Variants in STPG1 observed in about 807,000 individuals in gnomAD.
STPG1 encodes the protein O(6)-methylguanine-induced apoptosis 2.
In STPG1, 33 loss-of-function variants were observed where a neutral mutation model predicts 40.1. That is an observed-to-expected ratio of 0.82 (90% confidence interval 0.62 to 1.10). The LOEUF (loss-of-function observed/expected upper bound fraction) is 1.10. STPG1 is among the 50% of genes least tolerant of loss of function. STPG1 has a pLI of 0.00. For synonymous variants in STPG1, 150 were observed against 155.0 expected, an observed-to-expected ratio of 0.97 and a Z score of 0.24; for missense variants, 396 against 415.1, an observed-to-expected ratio of 0.95 and a Z score of 0.40.
chr1:24,395,502 G>A (rs1465460573), intron 2 of STPG1, among the ~76,000 whole-genome samples: 4 of 146,524 alleles, frequency 2.7e-5, no homozygotes, highest in East Asian at 2.0e-4. Context: ...GCGCTATCTC[G>A]GCTCACTGCA....
chr1:24,360,323 C>A (rs893595109), intron 8 of STPG1, among the ~76,000 whole-genome samples: 1 of 152,136 alleles, frequency 6.6e-6, no homozygotes, highest in African/African-American at 2.4e-5. Flanking sequence ...GTGGCATGTA[C>A]CTGTAATTCC....
chr1:24,388,685 A>G (rs1642620451), intron 3 of STPG1, among the ~76,000 whole-genome samples: 1 of 152,250 alleles, frequency 6.6e-6, no homozygotes, highest in East Asian at 1.9e-4. Flanking sequence ...TAATGCTTTA[A>G]GAAGGGTGGT....
chr1:24,378,258 T>C (rs1232710943), intron 5 of STPG1, among the ~76,000 whole-genome samples: 1 of 152,228 alleles, frequency 6.6e-6, no homozygotes, highest in African/African-American at 2.4e-5. Context: ...GTTGAAATGA[T>C]AATATTTTGG....
rs756002576 is a variant in STPG1 at position 24,383,936 on chromosome 1, A to G, written c.257T>C (p.Leu86Ser). The change falls in exon 4 of 9, where the codon TTG (leucine) becomes TCG (serine). Residue 86 changes from leucine (L) to serine (S), a missense_variant. Transcript: ENST00000337248. ...AAACATGCAAGTTCCTTTCTTGGAC[A>G]ATGAGACACTGTTGGACACCGGTGA... ...HQSPVSNSVS[L>S]SKKGTCMFPS... The G allele has an allele frequency of 6.2e-7, 1 of 1,614,002 alleles. No individual in the cohort carries two copies. The highest frequency in any genetic ancestry group is 2.2e-5 in the East Asian group (1 of 44,880).
chr1:24,389,875 T>C (rs893878865), intron 3 of STPG1, among the ~76,000 whole-genome samples: 1 of 152,108 alleles, frequency 6.6e-6, no homozygotes, highest in Non-Finnish European at 1.5e-5. Flanking sequence ...TTTAAAACTG[T>C]GTGTGTGTGT....
At position 24,401,380 on chromosome 1, in the gene STPG1, G is replaced by A; in HGVS notation, c.9C>T (p.Asn3=). MD[N]SAQKNERTGK... is the part of the protein sequence containing the mutation. ...CAGTGCGTTCATTTTTCTGTGCAGA[G>A]TTGTCCATGTTAGCAAAATTCTGTG... Residue 3 remains asparagine (N), a synonymous_variant, in exon 2 of 9, where the codon AAC becomes AAT. Transcript: ENST00000337248. 6.2e-7 allele frequency: 1 copy of A among 1,613,960 alleles called. No individual in the cohort carries two copies. Among genetic ancestry groups the A allele is most frequent in the Non-Finnish European group, 8.5e-7 (1 of 1,179,936 alleles).
At chr1:24,412,067 CT>C (rs1643703303) in intron 1 of STPG1, 1 of 152,182 alleles carries the variant, frequency 6.6e-6, no homozygotes, top group Non-Finnish European at 1.5e-5. Flanking sequence ...AGTCTGTAGT[CT>C]TTTGTGAAGT....
chr1:24,361,049 A>G lies in STPG1; in HGVS notation c.738-8T>C. On this transcript the variant is annotated splice_polypyrimidine_tract_variant and splice_region_variant and intron_variant, in intron 7 of 8. Coordinates refer to ENST00000337248, the MANE Select transcript of STPG1 (RefSeq NM_001199013.2). ...TTCAGGATGGGGTTTTTCCTTTGGG[A>G]AAGATAAAACGGGAAGATGTCACTA... is the stretch of plus-strand genomic sequence containing the variant. The G allele has an allele frequency of 6.2e-7, 1 of 1,600,472 alleles. No homozygotes were observed. The highest frequency in any genetic ancestry group is 8.5e-7 in the Non-Finnish European group (1 of 1,172,732).
intron 2 of STPG1, among the ~76,000 whole-genome samples, chr1:24,397,534 A>C (rs1323794187): frequency 6.6e-6 from 1 of 151,922 alleles, no homozygotes; most frequent in Non-Finnish European, 1.5e-5. Context: ...CCTTAGAAAA[A>C]TTTTAGCGAA....
intron 4 of STPG1, among the ~76,000 whole-genome samples, chr1:24,382,963 G>T (rs952247797): frequency 6.8e-6 from 1 of 146,424 alleles, no homozygotes; most frequent in Non-Finnish European, 1.5e-5. Context: ...CCAGGCTGGA[G>T]TGTGATGGTG....
intron 5 of STPG1, among the ~76,000 whole-genome samples, chr1:24,374,249 TTTTTTTTG>T (rs1641904446): frequency 2.2e-5 from 2 of 89,098 alleles, no homozygotes; most frequent in South Asian, 3.5e-4. Flanking sequence ...AAAGTGTTTT[TTTTTTTTG>T]TTTTTTTTTT....
chr1:24,397,180 A>G (rs1027324229), intron 2 of STPG1, among the ~76,000 whole-genome samples: 1 of 152,224 alleles, frequency 6.6e-6, no homozygotes, highest in African/African-American at 2.4e-5. Context: ...GATTGAAAAT[A>G]TAAGAAGCAG....
chr1:24,380,878 G>A (rs1384560401), intron 4 of STPG1, among the ~76,000 whole-genome samples: 2 of 152,138 alleles, frequency 1.3e-5, no homozygotes, highest in African/African-American at 4.8e-5. Flanking sequence ...TGCCAAACTC[G>A]AATTCTAATA....
chr1:24,401,204 G>C, intron 2 of STPG1, 115 bp downstream of exon 2: 2 of 819,232 alleles, frequency 2.4e-6, no homozygotes, highest in Non-Finnish European at 4.0e-6. Context: ...TGGTATGCCT[G>C]TAAGGATGGC....
Position 24,373,771 on chromosome 1 carries a change from T to C in STPG1, c.502A>G (p.Thr168Ala), listed in dbSNP as rs200427523. The part of the protein sequence containing the change: ...SCCKQRNNVC[T>A]RAGFMSKTQR... ...GTTTTTGACATAAACCCGGCTCGAG[T>C]ACAGACGTTGTTTCTCTGCTTGCAG... Residue 168 changes from threonine to alanine, a missense_variant, in exon 6 of 9, where the codon ACT (threonine) becomes GCT (alanine). Thr to Ala is a moderately conservative substitution (Grantham distance 58). Coordinates refer to ENST00000337248, the MANE Select transcript of STPG1 (RefSeq NM_001199013.2). 6.2e-6 allele frequency: 10 copies of C among 1,611,758 alleles called. No individual in the cohort carries two copies. In the African/African-American group the frequency reaches 1.2e-4, roughly 19 times the overall value.
At chr1:24,412,383 C>T (rs1037656484) in intron 1 of STPG1, among the ~76,000 whole-genome samples, 21 of 152,216 alleles carry the variant, frequency 1.4e-4, no homozygotes, top group African/African-American at 5.1e-4. Context: ...GATGACTTCC[C>T]TGACCACCCT....
At chr1:24,373,606 C>G (rs1183152164) in intron 6 of STPG1, 96 bp downstream of exon 6, 7 of 829,922 alleles carry the variant, frequency 8.4e-6, no homozygotes, top group African/African-American at 1.7e-5. Context: ...AAGACTAAAT[C>G]CTTCCAAAGA....
At chr1:24,401,188 C>T (rs2078445) in intron 2 of STPG1, 131 bp downstream of exon 2, 399,876 of 668,434 alleles carry the variant, frequency 0.6, 122,676 homozygotes, top group African/African-American at 0.81. Context: ...CCTAAAGCCA[C>T]CTATTTGGTA....
chr1:24,365,908 C>G (rs1201713755), intron 7 of STPG1, among the ~76,000 whole-genome samples: 1 of 152,212 alleles, frequency 6.6e-6, no homozygotes, highest in Non-Finnish European at 1.5e-5. Flanking sequence ...ACTGCCCACG[C>G]TGCCTCCATG....
Sources: allele counts gnomAD v4.1 joint callset (sites outside exome capture counted in the v4.1 genomes callset), GRCh38; gene constraint gnomAD v4.1.1; transcripts MANE v1.5; gene names NCBI Gene and HGNC (gene_info 2026-07-23, HGNC 2026-07-21).